Variants in SOX5 observed in about 807,000 individuals in gnomAD.
The protein encoded by SOX5 is SRY-box transcription factor 5.
SOX5 carries 9 observed loss-of-function variants against 92.0 expected under a neutral mutation model. That is an observed-to-expected ratio of 0.10 (90% CI 0.06 to 0.17). SOX5 has a LOEUF of 0.17. SOX5 is among the 10% of genes least tolerant of loss of function. The probability of loss-of-function intolerance (pLI) is 1.00; values close to 1 mark genes in which losing one functional copy is unlikely to be tolerated. For missense variants in SOX5, 642 were observed against 944.5 expected, an observed-to-expected ratio of 0.68 and a Z score of 4.20; for synonymous variants, 344 against 336.3, an observed-to-expected ratio of 1.02 and a Z score of -0.25.
chr12:23,881,286 T>C (rs958046260), intron 2 of SOX5, among the ~76,000 whole-genome samples: 2 of 152,198 alleles, frequency 1.3e-5, no homozygotes, highest in African/African-American at 4.8e-5. Flanking sequence ...CAAAGCCCCC[T>C]GAATTCTCAC....
intron 6 of SOX5, among the ~76,000 whole-genome samples, chr12:23,681,867 G>A (rs2086680532): frequency 6.6e-6 from 1 of 151,694 alleles, no homozygotes; most frequent in Non-Finnish European, 1.5e-5. Context: ...TAACACTAAA[G>A]TTTCAATTAA....
intron 2 of SOX5, among the ~76,000 whole-genome samples, chr12:23,887,917 A>ATGTGTGTGTG (rs61356582): frequency 0.068 from 9,825 of 144,658 alleles, 415 homozygotes; most frequent in East Asian, 0.14. Flanking sequence ...CAGTGTGTAT[A>ATGTGTGTGTG]TGTGTGTGTG....
At chr12:23,750,412 A>G (rs1041301907) in intron 4 of SOX5, among the ~76,000 whole-genome samples, 2 of 151,926 alleles carry the variant, frequency 1.3e-5, no homozygotes, top group African/African-American at 4.8e-5. Context: ...CCCAATTTCC[A>G]CAAGTACTTG....
chr12:24,169,743 C>T (rs1002944765), intron 4 of SOX5, among the ~76,000 whole-genome samples: 2 of 152,200 alleles, frequency 1.3e-5, no homozygotes, highest in Admixed American at 6.5e-5. Context: ...TAATGGTAGC[C>T]TTGAGCAAAT....
chr12:23,906,230 G>A (rs1410444987), intron 1 of SOX5, among the ~76,000 whole-genome samples: 1 of 152,180 alleles, frequency 6.6e-6, no homozygotes, highest in Non-Finnish European at 1.5e-5. Flanking sequence ...AAATGTCAAA[G>A]TCCTTTTGTT....
intron 4 of SOX5, among the ~76,000 whole-genome samples, chr12:23,975,991 T>C (rs1948847384): frequency 6.6e-6 from 1 of 152,172 alleles, no homozygotes; most frequent in Non-Finnish European, 1.5e-5. Flanking sequence ...TCATTTTAGC[T>C]ATTAAACACC....
intron 2 of SOX5, among the ~76,000 whole-genome samples, chr12:24,325,359 A>G (rs1270834559): frequency 6.6e-6 from 1 of 152,192 alleles, no homozygotes; most frequent in Non-Finnish European, 1.5e-5. Context: ...TGCCTAACAC[A>G]TTTTTAAACA....
chr12:24,031,047 T>G (rs1955448100), intron 4 of SOX5, among the ~76,000 whole-genome samples: 1 of 151,794 alleles, frequency 6.6e-6, no homozygotes, highest in Admixed American at 6.6e-5. Flanking sequence ...AGGTAACAAG[T>G]GTTGGCAAGG....
At chr12:24,413,241 A>G (rs1964440541) in intron 1 of SOX5, among the ~76,000 whole-genome samples, 1 of 152,240 alleles carries the variant, frequency 6.6e-6, no homozygotes, top group South Asian at 2.1e-4. Flanking sequence ...GTTATTTAGT[A>G]CATACACATT....
chr12:23,590,653 A>G (rs1224459118), intron 9 of SOX5, among the ~76,000 whole-genome samples: 1 of 151,914 alleles, frequency 6.6e-6, no homozygotes, highest in Non-Finnish European at 1.5e-5. Flanking sequence ...ATTATATTGT[A>G]CTGTGTGTTA....
chr12:23,641,185 AAC>A (rs1210246461), intron 7 of SOX5, among the ~76,000 whole-genome samples: 5 of 151,890 alleles, frequency 3.3e-5, no homozygotes, highest in African/African-American at 4.8e-5. Context: ...TGCACTTGAT[AAC>A]ACACACGCGC....
At chr12:24,057,040 A>T (rs1430606439) in intron 4 of SOX5, among the ~76,000 whole-genome samples, 1 of 150,874 alleles carries the variant, frequency 6.6e-6, no homozygotes, top group Non-Finnish European at 1.5e-5. Flanking sequence ...CTCTCTGTTC[A>T]TGTTACAAAT....
chr12:23,621,280 CA>C (rs2077146407), intron 8 of SOX5, among the ~76,000 whole-genome samples: 1 of 151,814 alleles, frequency 6.6e-6, no homozygotes, highest in African/African-American at 2.4e-5. Context: ...TAGAGCTTAT[CA>C]GGGGATGGGG....
At chr12:23,936,742 A>G (rs992794413) in intron 1 of SOX5, among the ~76,000 whole-genome samples, 15 of 151,090 alleles carry the variant, frequency 9.9e-5, no homozygotes, top group African/African-American at 3.4e-4. Context: ...ACAAGTTTTT[A>G]AAAAGAGATA....
intron 2 of SOX5, among the ~76,000 whole-genome samples, chr12:24,346,709 C>T: frequency 6.6e-6 from 1 of 152,034 alleles, no homozygotes; most frequent in African/African-American, 2.4e-5. Context: ...CCTTGGCCTC[C>T]CAAAGTGCTC....
chr12:24,066,591 A>G (rs1041825044), intron 4 of SOX5, among the ~76,000 whole-genome samples: 2 of 152,190 alleles, frequency 1.3e-5, no homozygotes, highest in African/African-American at 4.8e-5. Flanking sequence ...GTAAATAACT[A>G]AAGAGTTATT....
intron 2 of SOX5, among the ~76,000 whole-genome samples, chr12:23,872,491 G>T (rs562417091): frequency 6.6e-6 from 1 of 152,026 alleles, no homozygotes; most frequent in East Asian, 1.9e-4. Flanking sequence ...TGAAAATGTA[G>T]TCCCTCTTAT....
intron 2 of SOX5, among the ~76,000 whole-genome samples, chr12:23,879,903 T>C (rs1369491222): frequency 1.3e-5 from 2 of 152,118 alleles, no homozygotes; most frequent in African/African-American, 4.8e-5. Flanking sequence ...TCAAGAGCAG[T>C]AGGTGGACTG....
intron 1 of SOX5, among the ~76,000 whole-genome samples, chr12:24,484,635 A>G (rs1946333050): frequency 6.6e-6 from 1 of 152,168 alleles, no homozygotes; most frequent in African/African-American, 2.4e-5. Flanking sequence ...TCTCTTAAAG[A>G]AACTGAATTA....
Sources: allele counts gnomAD v4.1 joint callset (sites outside exome capture counted in the v4.1 genomes callset), GRCh38; gene constraint gnomAD v4.1.1; transcripts MANE v1.5; gene names NCBI Gene and HGNC (gene_info 2026-07-23, HGNC 2026-07-21).